The following RFX3 variants were observed in gnomAD, a reference collection of about 807,000 sequenced individuals.
RFX3 encodes regulatory factor X3.
A neutral mutation model predicts 98.6 loss-of-function variants in RFX3; 14 were observed. The observed-to-expected ratio is 0.14, with a 90% confidence interval of 0.09 to 0.22. The LOEUF is 0.22. RFX3 is among the 10% of genes least tolerant of loss of function. RFX3 has a pLI of 1.00. For missense variants in RFX3, 639 were observed against 926.9 expected (o/e 0.69, Z 4.03); for synonymous variants, 383 against 328.4 (o/e 1.17, Z -1.80).
At chr9:3,229,310 G>C (rs928750649) in intron 15 of RFX3, among the ~76,000 whole-genome samples, 6 of 152,162 alleles carry the variant, frequency 3.9e-5, no homozygotes, top group African/African-American at 1.4e-4. Context: ...CTCTACATTA[G>C]AGAAACAATA....
intron 1 of RFX3, among the ~76,000 whole-genome samples, chr9:3,416,354 A>T (rs950168508): frequency 5.9e-5 from 9 of 152,166 alleles, no homozygotes; most frequent in African/African-American, 2.2e-4. Flanking sequence ...CTAGAGTTCA[A>T]ATCCAGGTGT....
intron 7 of RFX3, among the ~76,000 whole-genome samples, chr9:3,280,692 T>A (rs1381626283): frequency 6.6e-6 from 1 of 151,812 alleles, no homozygotes; most frequent in South Asian, 2.1e-4. Context: ...CATATCAATA[T>A]CTAGGTAGTT....
chr9:3,254,893 G>C (rs936786002), intron 14 of RFX3, among the ~76,000 whole-genome samples: 3 of 152,114 alleles, frequency 2.0e-5, no homozygotes, highest in East Asian at 1.9e-4. Flanking sequence ...CTTCACTGAT[G>C]CATACTAGTG....
chr9:3,273,588 G>C (rs1051097903), intron 9 of RFX3, among the ~76,000 whole-genome samples: 29 of 152,062 alleles, frequency 1.9e-4, no homozygotes, highest in African/African-American at 7.0e-4. Flanking sequence ...TATAGGGTGG[G>C]CACAGTGGCT....
chr9:3,226,438 T>C (rs1325026728), intron 16 of RFX3, among the ~76,000 whole-genome samples: 2 of 152,178 alleles, frequency 1.3e-5, no homozygotes, highest in Non-Finnish European at 2.9e-5. Flanking sequence ...CTTCCATATA[T>C]GGCTGTACAG....
intron 1 of RFX3, among the ~76,000 whole-genome samples, chr9:3,469,701 T>C (rs1232152061): frequency 1.3e-5 from 2 of 152,082 alleles, no homozygotes; most frequent in Non-Finnish European, 2.9e-5. Flanking sequence ...CCAATATAAA[T>C]TCAACCGTAC....
intron 4 of RFX3, among the ~76,000 whole-genome samples, chr9:3,304,505 C>T (rs1829045849): frequency 6.6e-6 from 1 of 151,950 alleles, no homozygotes; most frequent in East Asian, 1.9e-4. Flanking sequence ...TCTCTGTCCC[C>T]ACCCAAATCT....
chr9:3,446,760 C>T (rs1284894121), intron 1 of RFX3, among the ~76,000 whole-genome samples: 1 of 151,936 alleles, frequency 6.6e-6, no homozygotes, highest in Admixed American at 6.6e-5. Flanking sequence ...ACGTATGGTA[C>T]ATTTTGGTTT....
rs564645568 is a variant in RFX3, at chr9:3,447,977, A to C, written c.-8-52381T>G. Among the ~76,000 whole-genome samples the C allele has an allele frequency of 4.1e-4, 62 of 152,328 alleles. No homozygotes were observed. The South Asian group carries it at 0.013, about 32-fold the overall frequency. ...TTAACAGAGCTCTCAACTATGAGCC[A>C]ATGGGAAGACAAGGAATCACAAGCA... On this transcript the variant is annotated intron_variant, in intron 1 of 16. Coordinates refer to ENST00000617270, the MANE Select transcript of RFX3 (RefSeq NM_001282116.2).
intron 11 of RFX3, among the ~76,000 whole-genome samples, chr9:3,267,122 A>G (rs898993515): frequency 1.3e-5 from 2 of 152,118 alleles, no homozygotes; most frequent in South Asian, 4.1e-4. Flanking sequence ...AGATTGCTAT[A>G]TAGTAGGAGA....
At chr9:3,314,603 T>C (rs1040368835) in intron 4 of RFX3, among the ~76,000 whole-genome samples, 2 of 151,860 alleles carry the variant, frequency 1.3e-5, no homozygotes, top group Non-Finnish European at 2.9e-5. Context: ...TCAAGACCCA[T>C]CAGCGTGCTG....
rs1324404145 is a variant in RFX3 at position 3,221,469 on chromosome 9, C to T, written c.*3573G>A. The T allele has an allele frequency of 6.6e-6, 1 of 152,090 alleles. No homozygotes were observed. The highest frequency in any genetic ancestry group is 6.6e-5 in the Admixed American group (1 of 15,258). 9.4% of individuals were successfully genotyped at this position (152,090 alleles called of 1,614,324 possible). ...AGGTATGCAGTGTTAAAACCATTTT[C>T]TAAATTTTACTTTTGTTTTTAAAGT... On this transcript the variant is annotated 3_prime_UTR_variant, in exon 17 of 17. Coordinates refer to ENST00000617270, the MANE Select transcript of RFX3 (RefSeq NM_001282116.2).
intron 1 of RFX3, among the ~76,000 whole-genome samples, chr9:3,421,670 A>G (rs1031635305): frequency 6.6e-6 from 1 of 152,182 alleles, no homozygotes; most frequent in African/African-American, 2.4e-5. Context: ...TTACAGATGG[A>G]CAAATCAAAG....
intron 1 of RFX3, chr9:3,452,184 A>T (rs187317983): frequency 6.3e-6 from 1 of 159,110 alleles, no homozygotes; most frequent in African/African-American, 2.4e-5. Context: ...AAGGTGTGTC[A>T]TCTGCATCCT....
At chr9:3,395,285 G>C (rs1313364995) in intron 2 of RFX3, among the ~76,000 whole-genome samples, 187 bp downstream of exon 2, 1 of 152,196 alleles carries the variant, frequency 6.6e-6, no homozygotes, top group Non-Finnish European at 1.5e-5. Flanking sequence ...TATCCCTATA[G>C]CCTAGCACAG....
At chr9:3,419,756 T>C (rs1263079169) in intron 1 of RFX3, among the ~76,000 whole-genome samples, 1 of 152,238 alleles carries the variant, frequency 6.6e-6, no homozygotes, top group East Asian at 1.9e-4. Flanking sequence ...TGTTACACTG[T>C]ATTTTTCATT....
At chr9:3,236,876 G>A (rs1267557324) in intron 15 of RFX3, among the ~76,000 whole-genome samples, 1 of 152,192 alleles carries the variant, frequency 6.6e-6, no homozygotes, top group East Asian at 1.9e-4. Flanking sequence ...ATATGTATTT[G>A]TATATGTATA....
intron 2 of RFX3, among the ~76,000 whole-genome samples, chr9:3,374,298 A>G (rs1838204526): frequency 6.6e-6 from 1 of 152,220 alleles, no homozygotes; most frequent in Non-Finnish European, 1.5e-5. Flanking sequence ...TAGAATTATC[A>G]TATGATCCAG....
rs559513668 is a variant in RFX3, at chr9:3,267,198, C to T, written c.1358-893G>A. On this transcript the variant is annotated intron_variant, in intron 11 of 16. Transcript: ENST00000617270. ...TATTTTACTTCCTCTGTGCCCAAGG[C>T]TCCATAGTAATGTAGAGGAAAATTA... is the stretch of plus-strand genomic sequence containing the variant. Among the ~76,000 whole-genome samples the T allele has an allele frequency of 5.3e-5, 8 of 152,056 alleles. No homozygotes were observed. In the East Asian group the frequency reaches 1.2e-3, roughly 22 times the overall value.
Sources: gnomAD v4.1 joint callset for allele counts (sites outside exome capture counted in the v4.1 genomes callset) on GRCh38, gnomAD v4.1.1 for gene constraint, MANE v1.5 for transcripts, NCBI Gene and HGNC (gene_info 2026-07-23, HGNC 2026-07-21) for gene names.